Variants in FBXO34 observed in about 807,000 individuals in gnomAD.
FBXO34 encodes the protein F-box only protein 34.
Under a neutral mutation model 24.5 loss-of-function variants are expected in FBXO34, and 12 were observed. That is an observed-to-expected ratio of 0.49 (90% CI 0.31 to 0.79). FBXO34 has a LOEUF of 0.79. Ranked by LOEUF, FBXO34 falls within the 30% of genes least tolerant of loss-of-function variation. The pLI, the probability that FBXO34 is intolerant of heterozygous loss-of-function variation, is 0.04. For missense variants in FBXO34, 823 were observed against 857.7 expected, an observed-to-expected ratio of 0.96 and a Z score of 0.51; for synonymous variants, 320 against 311.9, an observed-to-expected ratio of 1.03 and a Z score of -0.27.
At chr14:55,344,543 T>C (rs1884095157) in intron 1 of FBXO34, among the ~76,000 whole-genome samples, 1 of 109,596 alleles carries the variant, frequency 9.1e-6, no homozygotes, top group Non-Finnish European at 1.7e-5. Flanking sequence ...TTTGTGTATG[T>C]GTATTTTTTT....
intron 1 of FBXO34, among the ~76,000 whole-genome samples, chr14:55,337,938 C>T (rs940238679): frequency 1.3e-5 from 2 of 152,070 alleles, no homozygotes; most frequent in African/African-American, 2.4e-5. Context: ...GACTCCTGAC[C>T]GCACACATAT....
chr14:55,281,093 C>G (rs1881525008), intron 1 of FBXO34, among the ~76,000 whole-genome samples: 1 of 151,812 alleles, frequency 6.6e-6, no homozygotes, highest in South Asian at 2.1e-4. Flanking sequence ...GCATTTTAGA[C>G]TTAAAGCATA....
At chr14:55,320,567 C>T (rs536036826) in intron 1 of FBXO34, among the ~76,000 whole-genome samples, 6 of 152,100 alleles carry the variant, frequency 3.9e-5, no homozygotes, top group Non-Finnish European at 7.4e-5. Context: ...CTGGTTAACA[C>T]GGTGAAACCC....
intron 1 of FBXO34, chr14:55,325,863 G>C (rs1883325247): frequency 6.6e-6 from 1 of 152,186 alleles, no homozygotes; most frequent in African/African-American, 2.4e-5. Context: ...AATTGGTTCT[G>C]CTGCTCCTCC....
At chr14:55,297,080 C>T (rs1412979988) in intron 1 of FBXO34, among the ~76,000 whole-genome samples, 5 of 152,156 alleles carry the variant, frequency 3.3e-5, no homozygotes, top group Non-Finnish European at 5.9e-5. Context: ...GTCATTTTGG[C>T]TGCCCTTTAC....
chr14:55,322,416 G>A (rs1021872525), intron 1 of FBXO34, among the ~76,000 whole-genome samples: 10 of 151,912 alleles, frequency 6.6e-5, no homozygotes, highest in African/African-American at 2.4e-4. Context: ...TACACCAATA[G>A]CAGCATTATG....
At chr14:55,359,177 A>G (rs1229639542) in intron 3 of FBXO34, among the ~76,000 whole-genome samples, 1 of 152,088 alleles carries the variant, frequency 6.6e-6, no homozygotes, top group Non-Finnish European at 1.5e-5. Context: ...GCAGGGAGAG[A>G]GTCACTATTT....
downstream of FBXO34, among the ~76,000 whole-genome samples, chr14:55,363,614 C>T (rs1247424065): frequency 6.6e-6 from 1 of 152,168 alleles, no homozygotes; most frequent in African/African-American, 2.4e-5. Context: ...CAGCTGTGAG[C>T]CACCACGCCC....
the FBXO34 span, among the ~76,000 whole-genome samples, chr14:55,394,008 T>A: frequency 2.7e-5 from 4 of 149,546 alleles, no homozygotes; most frequent in South Asian, 8.5e-4. Flanking sequence ...TATCATAATT[T>A]TTTTTTTTTT....
intron 1 of FBXO34, among the ~76,000 whole-genome samples, chr14:55,281,495 A>G (rs1405934296): frequency 2.0e-5 from 3 of 152,060 alleles, no homozygotes; most frequent in Non-Finnish European, 4.4e-5. Flanking sequence ...GGATGATGTT[A>G]CTCTCCAAAT....
At chr14:55,282,370 C>T (rs1881581478) in intron 1 of FBXO34, 1 of 431,992 alleles carries the variant, frequency 2.3e-6, no homozygotes, top group Non-Finnish European at 4.7e-6. Context: ...AGGAAGGCAC[C>T]CTTGATCCTG....
chr14:55,375,490 A>AATTTTTTTTTTTTTTT, the FBXO34 span, among the ~76,000 whole-genome samples: 1 of 117,798 alleles, frequency 8.5e-6, no homozygotes. Context: ...GCCGGGCTAA[A>AATTTTTTTTTTTTTTT]TTTTTTTTTT....
At chr14:55,423,099 T>C in the FBXO34 span, among the ~76,000 whole-genome samples, 928 of 152,320 alleles carry the variant, frequency 6.1e-3, 5 homozygotes, top group Non-Finnish European at 0.01. Flanking sequence ...AGTTATGTCA[T>C]GTACATATTA....
downstream of FBXO34, chr14:55,369,580 TTTC>T: frequency 1.4e-6 from 2 of 1,456,148 alleles, no homozygotes; most frequent in Non-Finnish European, 1.8e-6. Context: ...GGAGAAGAAC[TTTC>T]TTGATGCAGA....
chr14:55,273,630 A>G lies in FBXO34; in HGVS notation c.-11+2093A>G, dbSNP rs556515697. Reference sequence around the variant, plus strand: ...CCAGAGACTGAGAGGCACTTGAATTATTATGCAACTGCTGATATTGAGAGT... The same window carrying G: ...CCAGAGACTGAGAGGCACTTGAATTGTTATGCAACTGCTGATATTGAGAGT... On this transcript the variant is annotated intron_variant, in intron 1 of 1. Transcript: ENST00000313833. Among the ~76,000 whole-genome samples, 6 of 152,314 alleles carry G rather than the reference A, an allele frequency of 3.9e-5. No homozygotes were observed. The East Asian group carries it at 7.7e-4, about 20-fold the overall frequency.
At chr14:55,409,840 T>C in the FBXO34 span, among the ~76,000 whole-genome samples, 1 of 152,174 alleles carries the variant, frequency 6.6e-6, no homozygotes, top group East Asian at 1.9e-4. Flanking sequence ...AGGAGTAGCA[T>C]AACTGTGGCT....
At position 55,352,607 on chromosome 14, in the gene FBXO34, CCT is replaced by C. The variant is rs757131448; in HGVS notation, c.*82_*83del. 2.5e-4 allele frequency: 279 copies of C among 1,126,460 alleles called. 1 individual carries two copies. Among genetic ancestry groups the C allele is most frequent in the Middle Eastern group, 6.0e-4 (2 of 3,342 alleles). 69.8% of individuals were successfully genotyped at this position (1,126,460 alleles called of 1,614,324 possible). ...TACACCGTTCAAATGAGCGTAGCCCCCTGAGTCATCACTCTAGAAGAATCTGT... is the reference window on the plus strand; with the variant it reads ...TACACCGTTCAAATGAGCGTAGCCCCGAGTCATCACTCTAGAAGAATCTGT... On this transcript the variant is annotated 3_prime_UTR_variant, in exon 2 of 2. Transcript: ENST00000313833.
intron 1 of FBXO34, among the ~76,000 whole-genome samples, chr14:55,310,613 ATGCC>A (rs372963111): frequency 6.6e-6 from 1 of 152,104 alleles, no homozygotes; most frequent in East Asian, 1.9e-4. Context: ...GGGTTTCTTC[ATGCC>A]TGCCTGCCTG....
At chr14:55,439,916 G>A in the FBXO34 span, among the ~76,000 whole-genome samples, 1 of 68,596 alleles carries the variant, frequency 1.5e-5, no homozygotes, top group Non-Finnish European at 3.0e-5. Flanking sequence ...GGGTGACAGA[G>A]CGAGACTCTG....
Sources: allele counts gnomAD v4.1 joint callset (sites outside exome capture counted in the v4.1 genomes callset), GRCh38; gene constraint gnomAD v4.1.1; transcripts MANE v1.5; gene names NCBI Gene and HGNC (gene_info 2026-07-23, HGNC 2026-07-21).